The following AP1M2 variants were observed in gnomAD, a reference collection of about 807,000 sequenced individuals.
AP1M2 encodes the protein AP-1 complex subunit mu-2.
Under a neutral mutation model 54.6 loss-of-function variants are expected in AP1M2, and 41 were observed. That is an observed-to-expected ratio of 0.75 (90% CI 0.59 to 0.97). The LOEUF (loss-of-function observed/expected upper bound fraction) is 0.97. AP1M2 is among the 50% of genes least tolerant of loss of function. AP1M2 has a pLI of 0.00. For synonymous variants in AP1M2, 219 were observed against 215.9 expected (o/e 1.01, Z -0.13); for missense variants, 507 against 561.2 (o/e 0.90, Z 0.98).
intron 9 of AP1M2, among the ~76,000 whole-genome samples, chr19:10,576,760 G>T (rs1054687584): frequency 6.7e-6 from 1 of 149,518 alleles, no homozygotes; most frequent in Non-Finnish European, 1.5e-5. Flanking sequence ...GCTGGAGTGT[G>T]CAGTGGCACA....
chr19:10,587,028 T>G (rs1917671283), intron 1 of AP1M2, 162 bp downstream of exon 1: 1 of 760,196 alleles, frequency 1.3e-6, no homozygotes, highest in Non-Finnish European at 2.1e-6. Flanking sequence ...CCCCTTGGCC[T>G]CAGGCACAAG....
rs538957857 is a variant in AP1M2 at position 10,574,249 on chromosome 19, G to C, written c.1249+168C>G. The C allele has an allele frequency of 2.4e-5, 13 of 546,404 alleles. No homozygotes were observed. The East Asian group carries it at 4.0e-4, about 17-fold the overall frequency. The allele number at this position is 546,404 out of a possible 1,614,324, so 33.8% of individuals were successfully genotyped here. A position where few individuals can be genotyped will look rare whatever the true frequency, so the allele number is the denominator to read the frequency against. ...TGGCCAGGTTGGTCTCGAACTCCCGGCCTCAAGAGATCCACCCGCCTTGGC... is the reference window on the plus strand; with the variant it reads ...TGGCCAGGTTGGTCTCGAACTCCCGCCCTCAAGAGATCCACCCGCCTTGGC... On this transcript the variant is annotated intron_variant, in intron 11 of 11. Coordinates refer to ENST00000250244, the MANE Select transcript of AP1M2 (RefSeq NM_005498.5).
chr19:10,577,813 G>A (rs985338684), intron 8 of AP1M2, among the ~76,000 whole-genome samples: 5 of 147,930 alleles, frequency 3.4e-5, no homozygotes, highest in Admixed American at 1.4e-4. Flanking sequence ...CTCCGCTCAC[G>A]GCAACCTCCG....
intron 11 of AP1M2, 27 bp from the exon 12 acceptor site, chr19:10,573,115 A>G: frequency 6.4e-7 from 1 of 1,557,210 alleles, no homozygotes; most frequent in African/African-American, 1.4e-5. Context: ...AGGAGGGGCC[A>G]TCTCAGAAAT....
rs1393724220 is a variant in AP1M2, at chr19:10,573,185, G to A, written c.1250-97C>T. 6.2e-6 allele frequency: 7 copies of A among 1,137,206 alleles called. No homozygotes were observed. In the Admixed American group the frequency reaches 8.0e-5, roughly 13 times the overall value. 70.4% of individuals were successfully genotyped at this position (1,137,206 alleles called of 1,614,324 possible). On this transcript the variant is annotated intron_variant, in intron 11 of 11. Coordinates refer to ENST00000250244, the MANE Select transcript of AP1M2 (RefSeq NM_005498.5). ...TATAATCCCAGCACTTTGGGAGGTC[G>A]AGGCAGGTGGATCACTTGAGGTCAG...
At chr19:10,582,070 G>A (rs1217432564) in intron 3 of AP1M2, among the ~76,000 whole-genome samples, 192 bp from the exon 4 acceptor site, 3 of 151,364 alleles carry the variant, frequency 2.0e-5, no homozygotes, top group Non-Finnish European at 4.4e-5. Context: ...TTTCGAGACA[G>A]TCTCGCACTG....
At chr19:10,577,052 C>CA in intron 9 of AP1M2, 146 bp downstream of exon 9, 1 of 901,452 alleles carries the variant, frequency 1.1e-6, no homozygotes, top group Non-Finnish European at 1.7e-6. Flanking sequence ...GTCAGCCTCT[C>CA]AAAGTACTGG....
rs765720322 is a variant in AP1M2 at position 10,583,610 on chromosome 19, A to G, written c.263T>C (p.Ile88Thr). 5 of 1,608,576 alleles carry G rather than the reference A, an allele frequency of 3.1e-6. No individual in the cohort carries two copies. The African/African-American group carries it at 5.3e-5, about 17-fold the overall frequency. Residue 88 changes from isoleucine to threonine, a missense_variant, in exon 3 of 12, where the codon ATA becomes ACA. Transcript: ENST00000250244. ...CAATGGGAGGCTAGTACCTACCTCT[A>G]TTGTCTTATACAGGAAGGAGTACAC... Reference protein sequence around the residue: ...SLVYSFLYKTIEVFCEYFKEL... With the variant: ...SLVYSFLYKTTEVFCEYFKEL...
rs1193067597 is a variant in AP1M2 at position 10,579,974 on chromosome 19, G to A, written c.674-116C>T. On this transcript the variant is annotated intron_variant, in intron 6 of 11. Transcript: ENST00000250244. ...TCACATATGGGGAAACTGGGGCCCA[G>A]AGAGAATGAGCAAAAACTGGCACAG... 5.8e-6 allele frequency: 6 copies of A among 1,027,262 alleles called. No homozygotes were observed. In the African/African-American group the frequency reaches 8.5e-5, roughly 14 times the overall value. 63.6% of individuals were successfully genotyped at this position (1,027,262 alleles called of 1,614,324 possible).
At chr19:10,580,636 C>T (rs928575835) in intron 6 of AP1M2, among the ~76,000 whole-genome samples, 9 of 151,774 alleles carry the variant, frequency 5.9e-5, no homozygotes, top group Non-Finnish European at 8.8e-5. Flanking sequence ...GCACTCCAGC[C>T]GGGTGACGGA....
At chr19:10,577,660 C>G (rs990647180) in intron 8 of AP1M2, among the ~76,000 whole-genome samples, 1 of 150,428 alleles carries the variant, frequency 6.6e-6, no homozygotes, top group African/African-American at 2.5e-5. Flanking sequence ...TGTTCTCGAT[C>G]TCCTGACCTC....
intron 2 of AP1M2, 109 bp from the exon 3 acceptor site, chr19:10,583,782 C>T: frequency 6.7e-7 from 1 of 1,486,752 alleles, no homozygotes; most frequent in Non-Finnish European, 9.2e-7. Flanking sequence ...CTACCTGCCC[C>T]TGCCCCCCAG....
chr19:10,578,290 G>A (rs953688547), intron 8 of AP1M2, among the ~76,000 whole-genome samples: 3 of 152,084 alleles, frequency 2.0e-5, no homozygotes, highest in African/African-American at 2.4e-5. Context: ...GAAAAAAGCC[G>A]GGGGTGGTGG....
intron 8 of AP1M2, among the ~76,000 whole-genome samples, chr19:10,578,584 G>A (rs888091908): frequency 6.6e-6 from 1 of 151,086 alleles, no homozygotes; most frequent in African/African-American, 2.4e-5. Flanking sequence ...TCTTTTTGGA[G>A]ATGGGGTCTA....
intron 6 of AP1M2, among the ~76,000 whole-genome samples, 179 bp from the exon 7 acceptor site, chr19:10,580,037 T>C (rs1174096072): frequency 6.9e-6 from 1 of 145,888 alleles, no homozygotes; most frequent in African/African-American, 2.5e-5. Context: ...GTACAGGATC[T>C]GGCTTGGTTT....
intron 11 of AP1M2, 91 bp downstream of exon 11, chr19:10,574,326 G>T: frequency 9.2e-7 from 1 of 1,087,372 alleles, no homozygotes; most frequent in Non-Finnish European, 1.3e-6. Context: ...GACCCTTGTT[G>T]GTTTTCTGAG....
intron 7 of AP1M2, 52 bp from the exon 8 acceptor site, chr19:10,579,015 C>CCT: frequency 1.3e-6 from 1 of 742,754 alleles, no homozygotes; most frequent in Non-Finnish European, 2.0e-6. Context: ...TGACTCTCTT[C>CCT]TTTTTTTTTT....
At chr19:10,580,192 C>T (rs1043886186) in intron 6 of AP1M2, among the ~76,000 whole-genome samples, 2 of 151,880 alleles carry the variant, frequency 1.3e-5, no homozygotes, top group African/African-American at 4.8e-5. Context: ...GATAGGATTA[C>T]AGGAATGTGC....
At chr19:10,580,004 G>T in intron 6 of AP1M2, 146 bp from the exon 7 acceptor site, 1 of 628,204 alleles carries the variant, frequency 1.6e-6, no homozygotes, top group Non-Finnish European at 2.5e-6. Context: ...GCACAGTAGA[G>T]CTGGAATCTG....
Sources: gnomAD v4.1 joint callset for allele counts (sites outside exome capture counted in the v4.1 genomes callset) on GRCh38, gnomAD v4.1.1 for gene constraint, MANE v1.5 for transcripts, NCBI Gene and HGNC (gene_info 2026-07-23, HGNC 2026-07-21) for gene names.